Variants in HID1 observed in about 807,000 individuals in gnomAD.
HID1 encodes protein HID1.
A neutral mutation model predicts 89.7 loss-of-function variants in HID1; 42 were observed. That is an observed-to-expected ratio of 0.47 (90% CI 0.37 to 0.61). The LOEUF (loss-of-function observed/expected upper bound fraction) is 0.61, where lower values mean the gene tolerates loss of function less well. HID1 is among the 20% of genes least tolerant of loss of function. The pLI, the probability that HID1 is intolerant of heterozygous loss-of-function variation, is 0.00. For synonymous variants in HID1, 442 were observed against 433.8 expected, an observed-to-expected ratio of 1.02 and a Z score of -0.24; for missense variants, 854 against 1,039.3, an observed-to-expected ratio of 0.82 and a Z score of 2.45.
chr17:74,956,607 G>T (rs887116952), intron 12 of HID1, among the ~76,000 whole-genome samples: 1 of 152,134 alleles, frequency 6.6e-6, no homozygotes, highest in Non-Finnish European at 1.5e-5. Flanking sequence ...AACCAGGAGG[G>T]GAAGGGACAG....
At chr17:74,957,844 G>C (rs879689371) in intron 12 of HID1, 2 of 377,898 alleles carry the variant, frequency 5.3e-6, no homozygotes, top group African/African-American at 4.1e-5. Context: ...AGGTTGCAGT[G>C]AGCTGAGATG....
chr17:74,953,728 T>C, intron 14 of HID1, 77 bp from the exon 15 acceptor site: 1 of 1,135,768 alleles, frequency 8.8e-7, no homozygotes, highest in Non-Finnish European at 1.3e-6. Flanking sequence ...CACTTTTTTA[T>C]TTTTATTTGT....
chr17:74,955,124 G>A (rs901329082), intron 13 of HID1, among the ~76,000 whole-genome samples: 2 of 152,182 alleles, frequency 1.3e-5, no homozygotes, highest in East Asian at 1.9e-4. Flanking sequence ...GTCAAGTGAC[G>A]TGCCCTGGTC....
At chr17:74,964,450 G>C (rs1435914134) in intron 2 of HID1, 33 bp downstream of exon 2, 1 of 1,594,078 alleles carries the variant, frequency 6.3e-7, no homozygotes, top group Non-Finnish European at 8.5e-7. Flanking sequence ...TGGGAGGGTG[G>C]AAGAGTAGCA....
chr17:74,971,782 T>C (rs1387091514), intron 1 of HID1, among the ~76,000 whole-genome samples: 34 of 152,178 alleles, frequency 2.2e-4, no homozygotes, highest in Admixed American at 2.2e-3. Flanking sequence ...AGGTGGCTAT[T>C]GGGCCACTTG....
At chr17:74,967,269 G>A (rs1158121446) in intron 1 of HID1, among the ~76,000 whole-genome samples, 2 of 151,126 alleles carry the variant, frequency 1.3e-5, no homozygotes, top group Non-Finnish European at 2.9e-5. Flanking sequence ...GGCCAGGCGC[G>A]GTGGCTCACG....
At chr17:74,953,904 C>G (rs2039346077) in intron 14 of HID1, among the ~76,000 whole-genome samples, 1 of 152,048 alleles carries the variant, frequency 6.6e-6, no homozygotes, top group Admixed American at 6.6e-5. Flanking sequence ...TCCCCCATCC[C>G]TGTGCCCATC....
Position 74,951,999 on chromosome 17 carries a change from G to A in HID1, c.2209C>T (p.Pro737Ser). Residue 737 changes from proline (P) to serine (S), a missense_variant, in exon 18 of 19, where the codon CCC becomes TCC. Physicochemically the swap from Pro to Ser is moderately conservative, Grantham distance 74. Transcript: ENST00000425042. ...CGGATGAGGATGGGGTGGGGCACGG[G>A]CAGCAGCCCCACCAGGGTGCCATGC... ...LQHGTLVGLL[P>S]VPHPILIRKY... 1 of 1,561,050 alleles carries A rather than the reference G, an allele frequency of 6.4e-7. No homozygotes were observed. Among genetic ancestry groups the A allele is most frequent in the Non-Finnish European group, 8.7e-7 (1 of 1,152,424 alleles).
chr17:74,957,579 T>G (rs927734824), intron 12 of HID1, among the ~76,000 whole-genome samples: 1 of 9,228 alleles, frequency 1.1e-4, no homozygotes, highest in African/African-American at 4.6e-4. Flanking sequence ...CTCCTTCAGA[T>G]GTCAAAAAAA....
chr17:74,962,107 G>A lies in HID1; in HGVS notation c.612-118C>T. The A allele has an allele frequency of 9.0e-7, 1 of 1,115,010 alleles. No individual in the cohort carries two copies. The highest frequency in any genetic ancestry group is 1.6e-5 in the South Asian group (1 of 63,402). The allele number at this position is 1,115,010 out of a possible 1,614,324, so 69.1% of individuals were successfully genotyped here. A position where few individuals can be genotyped will look rare whatever the true frequency, so the allele number is the denominator to read the frequency against. On this transcript the variant is annotated intron_variant, in intron 5 of 18. Transcript: ENST00000425042. This position sits in a 1 kb window ranked among gnomAD's most constrained non-coding sequence, Gnocchi z 4.3. The stretch of plus-strand genomic sequence containing the variant: ...AAGGAAGTTACTCCCGTTGACCCCT[G>A]TAAGGTCAAGGTCGGGTCATAGGTG...
intron 1 of HID1, among the ~76,000 whole-genome samples, chr17:74,965,599 T>G (rs2039550500): frequency 6.6e-6 from 1 of 151,932 alleles, no homozygotes; most frequent in Non-Finnish European, 1.5e-5. Context: ...CAAAATCCAT[T>G]CCCACGGAGG....
chr17:74,960,070 T>G lies in HID1; in HGVS notation c.907A>C (p.Thr303Pro). 6.2e-7 allele frequency: 1 copy of G among 1,613,814 alleles called. No individual in the cohort carries two copies. Among genetic ancestry groups the G allele is most frequent in the Non-Finnish European group, 8.5e-7 (1 of 1,180,004 alleles). ...DHDSASSASP[T>P]VDGTTTGTAM... ...GTGCCAGTGGTGGTGCCGTCCACAG[T>G]GGGGCTGGCACTGCTGGCACTGTCG... Residue 303 changes from threonine (T) to proline (P), a missense_variant, in exon 7 of 19, where the codon ACT (threonine) becomes CCT (proline). By Grantham distance (38) the Thr-to-Pro change is conservative. Transcript: ENST00000425042.
At position 74,951,436 on chromosome 17, in the gene HID1, C is replaced by T. The variant is rs2039296218; in HGVS notation, c.*134G>A. 1 of 830,190 alleles carries T rather than the reference C, an allele frequency of 1.2e-6. No homozygotes were observed. Among genetic ancestry groups the T allele is most frequent in the Non-Finnish European group, 2.0e-6 (1 of 507,706 alleles). 51.4% of individuals were successfully genotyped at this position (830,190 alleles called of 1,614,324 possible). ...GTCCTGGCCACAGGGGTCTCTAGGGCATGACACTCAGGGCCACTCTGCCTG... is the reference window on the plus strand; with the variant it reads ...GTCCTGGCCACAGGGGTCTCTAGGGTATGACACTCAGGGCCACTCTGCCTG... On this transcript the variant is annotated 3_prime_UTR_variant, in exon 19 of 19. Transcript: ENST00000425042.
intron 16 of HID1, 119 bp downstream of exon 16, chr17:74,952,887 G>T: frequency 1.4e-6 from 1 of 735,378 alleles, no homozygotes; most frequent in South Asian, 1.9e-5. Context: ...CCTTTGATTC[G>T]GACATCTTGC....
chr17:74,959,841 CCCCTGCA>C lies in HID1; in HGVS notation c.1008+33_1008+39del. The C allele has an allele frequency of 6.2e-7, 1 of 1,605,552 alleles. No homozygotes were observed. The highest frequency in any genetic ancestry group is 8.5e-7 in the Non-Finnish European group (1 of 1,172,884). On this transcript the variant is annotated intron_variant, in intron 8 of 18. Coordinates refer to ENST00000425042, the MANE Select transcript of HID1 (RefSeq NM_030630.3). The surrounding 1 kb of genome is among the most constrained non-coding windows in gnomAD (Gnocchi z 4.6). ...CCCATATCCCTGTCTCACTTGCATC[CCCCTGCA>C]CCCTGCAAAGCCACTGTGGGGACTG...
rs754043554 is a variant in HID1, at chr17:74,962,499, G to A, written c.505-159C>T. On this transcript the variant is annotated intron_variant, in intron 4 of 18. Coordinates refer to ENST00000425042, the MANE Select transcript of HID1 (RefSeq NM_030630.3). The surrounding 1 kb of genome is among the most constrained non-coding windows in gnomAD (Gnocchi z 4.3). ...AAAATGGCCTGGCCCTCATGCACAA[G>A]AGCAGGAGTGAATATTCTTAGGCCT... Among the ~76,000 whole-genome samples, 1 of 152,184 alleles carries A rather than the reference G, an allele frequency of 6.6e-6. No homozygotes were observed. The highest frequency in any genetic ancestry group is 2.4e-5 in the African/African-American group (1 of 41,442).
In HID1 at chr17:74,959,230, A is replaced by G. The variant is rs2039443304; in HGVS notation, c.1009-179T>C. On this transcript the variant is annotated intron_variant, in intron 8 of 18. Coordinates refer to ENST00000425042, the MANE Select transcript of HID1 (RefSeq NM_030630.3). This position sits in a 1 kb window ranked among gnomAD's most constrained non-coding sequence, Gnocchi z 4.6. ...CCTGGGGCGATGCCTCAGGAAGCGG[A>G]GTCCCTCATAGCTGTGGACAGCCCT... 6.6e-6 allele frequency among the ~76,000 whole-genome samples: 1 copy of G among 151,600 alleles called. No individual in the cohort carries two copies. Among genetic ancestry groups the G allele is most frequent in the African/African-American group, 2.4e-5 (1 of 41,186 alleles).
At position 74,964,493 on chromosome 17, in the gene HID1, A is replaced by T; in HGVS notation, c.206T>A (p.Leu69Gln). The change falls in exon 2 of 19, where the codon CTG (leucine) becomes CAG (glutamine). Residue 69 changes from leucine (L) to glutamine (Q), a missense_variant. By Grantham distance (113) the Leu-to-Gln change is moderately radical. Transcript: ENST00000425042. Reference sequence around the variant, plus strand: ...CTGGGCAGCCCTCACCTTGTAGCACAGGGTGGCCAAGTTGGAGGGTGACTC... The same window carrying T: ...CTGGGCAGCCCTCACCTTGTAGCACTGGGTGGCCAAGTTGGAGGGTGACTC... ...REESPSNLAT[L>Q]CYKAVEKLVQ... 6.2e-7 allele frequency: 1 copy of T among 1,609,780 alleles called. No individual in the cohort carries two copies. Among genetic ancestry groups the T allele is most frequent in the Non-Finnish European group, 8.5e-7 (1 of 1,178,374 alleles).
At position 74,960,106 on chromosome 17, in the gene HID1, T is replaced by C; in HGVS notation, c.871A>G (p.Thr291Ala). ...VEEAAQVLIV[T>A]LDHDSASSAS... is the part of the protein sequence containing the mutation. ...CTGCTGGCACTGTCGTGGTCCAAAGTGACAATGAGCACCTGGGCAGCCTCC... is the reference window on the plus strand; with the variant it reads ...CTGCTGGCACTGTCGTGGTCCAAAGCGACAATGAGCACCTGGGCAGCCTCC... Residue 291 changes from threonine to alanine, a missense_variant, in exon 7 of 19, where the codon ACT becomes GCT. Thr to Ala is a moderately conservative substitution (Grantham distance 58). Coordinates refer to ENST00000425042, the MANE Select transcript of HID1 (RefSeq NM_030630.3). The C allele has an allele frequency of 1.2e-6, 2 of 1,613,938 alleles. No homozygotes were observed. The highest frequency in any genetic ancestry group is 2.7e-5 in the African/African-American group (2 of 75,066).
Sources: gnomAD v4.1 joint callset for allele counts (sites outside exome capture counted in the v4.1 genomes callset) on GRCh38, gnomAD v4.1.1 for gene constraint, Gnocchi (gnomAD v3.1) non-coding constraint, MANE v1.5 for transcripts, NCBI Gene and HGNC (gene_info 2026-07-23, HGNC 2026-07-21) for gene names.